UBE2K: variants seen among roughly 807,000 people sequenced by gnomAD.
The protein encoded by UBE2K is ubiquitin-conjugating enzyme E2 K.
Under a neutral mutation model 30.0 loss-of-function variants are expected in UBE2K, and 6 were observed. The observed-to-expected ratio is 0.20, with a 90% CI of 0.11 to 0.39. UBE2K has a LOEUF of 0.39. UBE2K is among the 10% of genes least tolerant of loss of function. UBE2K has a pLI of 1.00. For missense variants in UBE2K, 61 were observed against 241.6 expected, an observed-to-expected ratio of 0.25 and a Z score of 4.96; for synonymous variants, 86 against 83.7, an observed-to-expected ratio of 1.03 and a Z score of -0.15.
intron 1 of UBE2K, among the ~76,000 whole-genome samples, chr4:39,734,370 C>G (rs922522805): frequency 6.6e-6 from 1 of 152,128 alleles, no homozygotes; most frequent in Non-Finnish European, 1.5e-5. Flanking sequence ...CCACCGCATG[C>G]ACCTGACCAG....
chr4:39,720,381 T>C (rs546444399), intron 1 of UBE2K, among the ~76,000 whole-genome samples: 1 of 152,214 alleles, frequency 6.6e-6, no homozygotes, highest in South Asian at 2.1e-4. Flanking sequence ...ATTTAGTATA[T>C]ATGACATCAT....
chr4:39,774,292 C>G (rs1713141291), intron 4 of UBE2K, among the ~76,000 whole-genome samples: 1 of 150,698 alleles, frequency 6.6e-6, no homozygotes, highest in African/African-American at 2.4e-5. Context: ...AGCGGCAGAG[C>G]AAGACACTGT....
At chr4:39,762,146 T>G (rs1321861422) in intron 4 of UBE2K, among the ~76,000 whole-genome samples, 1 of 151,634 alleles carries the variant, frequency 6.6e-6, no homozygotes, top group Non-Finnish European at 1.5e-5. Context: ...CTCACTGCAC[T>G]GCAGCCTGGG....
intron 1 of UBE2K, among the ~76,000 whole-genome samples, chr4:39,701,565 T>G (rs570994954): frequency 1.3e-5 from 2 of 152,282 alleles, no homozygotes; most frequent in East Asian, 3.9e-4. Flanking sequence ...GATCTAGGTC[T>G]GCTTGTGTTC....
At chr4:39,711,167 T>C (rs1447308503) in intron 1 of UBE2K, among the ~76,000 whole-genome samples, 1 of 148,690 alleles carries the variant, frequency 6.7e-6, no homozygotes, top group Non-Finnish European at 1.5e-5. Context: ...TTTTCTCTTT[T>C]TTTTTTTTTT....
At chr4:39,709,327 G>A (rs1375316157) in intron 1 of UBE2K, among the ~76,000 whole-genome samples, 1 of 152,040 alleles carries the variant, frequency 6.6e-6, no homozygotes, top group Non-Finnish European at 1.5e-5. Context: ...AGCTCAAGAT[G>A]AGGGTTAAGG....
chr4:39,757,796 T>G (rs1711590994), intron 4 of UBE2K, among the ~76,000 whole-genome samples: 1 of 152,238 alleles, frequency 6.6e-6, no homozygotes, highest in Non-Finnish European at 1.5e-5. Context: ...TTCACTTGGC[T>G]TCTAGGACAT....
intron 4 of UBE2K, among the ~76,000 whole-genome samples, chr4:39,763,862 T>C (rs1712136113): frequency 1.3e-5 from 2 of 151,982 alleles, no homozygotes; most frequent in Admixed American, 1.3e-4. Flanking sequence ...ACCTCAGCCT[T>C]CTGAGTAACT....
intron 2 of UBE2K, among the ~76,000 whole-genome samples, chr4:39,740,794 C>T (rs1446116785): frequency 2.9e-5 from 4 of 138,172 alleles, no homozygotes; most frequent in East Asian, 2.2e-4. Context: ...ACCCGGGAGG[C>T]GGAGCTTGCA....
chr4:39,768,218 C>T (rs185780819), intron 4 of UBE2K, among the ~76,000 whole-genome samples: 123 of 150,146 alleles, frequency 8.2e-4, no homozygotes, highest in Middle Eastern at 3.4e-3. Context: ...GTGGACGGTT[C>T]ACCTGAGGTC....
intron 1 of UBE2K, among the ~76,000 whole-genome samples, chr4:39,719,179 C>T (rs1451047614): frequency 6.6e-6 from 1 of 152,248 alleles, no homozygotes; most frequent in Non-Finnish European, 1.5e-5. Flanking sequence ...TACAAAATTG[C>T]TTGCTATTTA....
rs1388882930 is a variant in UBE2K at position 39,782,468 on chromosome 4, T to G, written c.*4034T>G. The G allele has an allele frequency of 2.6e-5, 4 of 152,238 alleles. No individual in the cohort carries two copies. The highest frequency in any genetic ancestry group is 5.9e-5 in the Non-Finnish European group (4 of 68,070). The allele number at this position is 152,238 out of a possible 1,614,324, so 9.4% of individuals were successfully genotyped here. On this transcript the variant is annotated 3_prime_UTR_variant, in exon 7 of 7. Coordinates refer to ENST00000261427, the MANE Select transcript of UBE2K (RefSeq NM_005339.5). ...GTTGTGGTGTCTGCTGGAAGTCTAC[T>G]GCCATTATAGGGAACCTTGCTTGTT...
chr4:39,742,635 A>G, intron 2 of UBE2K, among the ~76,000 whole-genome samples: 1 of 152,156 alleles, frequency 6.6e-6, no homozygotes, highest in East Asian at 1.9e-4. Flanking sequence ...CCAGCTACCC[A>G]GGAGGCTGAG....
intron 1 of UBE2K, 87 bp downstream of exon 1, chr4:39,698,477 C>T (rs1014932200): frequency 3.1e-6 from 4 of 1,284,704 alleles, no homozygotes; most frequent in Non-Finnish European, 3.3e-6. Context: ...CCGGTAGTCC[C>T]TGGGTGGTCC....
At chr4:39,744,428 T>C (rs1022841610) in intron 2 of UBE2K, among the ~76,000 whole-genome samples, 2 of 151,178 alleles carry the variant, frequency 1.3e-5, no homozygotes, top group Non-Finnish European at 2.9e-5. Context: ...TGCCTCAGCC[T>C]CCCAAAGTGC....
intron 1 of UBE2K, among the ~76,000 whole-genome samples, chr4:39,701,007 T>C (rs1717979107): frequency 6.6e-6 from 1 of 152,254 alleles, no homozygotes; most frequent in Non-Finnish European, 1.5e-5. Flanking sequence ...AATTGATTGC[T>C]TTCTGTGTAG....
intron 4 of UBE2K, among the ~76,000 whole-genome samples, chr4:39,773,720 GACCATCCTGGCTAAC>G (rs1479491964): frequency 5.3e-5 from 8 of 151,968 alleles, no homozygotes; most frequent in African/African-American, 1.9e-4. Flanking sequence ...AGGAGATCGA[GACCATCCTGGCTAAC>G]ACAGTGAAAC....
At chr4:39,731,070 C>T (rs1311414267) in intron 1 of UBE2K, among the ~76,000 whole-genome samples, 2 of 152,182 alleles carry the variant, frequency 1.3e-5, no homozygotes, top group Admixed American at 1.3e-4. Context: ...ACTGCAACCT[C>T]TGCCTCCCGG....
At chr4:39,714,012 T>G (rs1326884288) in intron 1 of UBE2K, 2 of 152,120 alleles carry the variant, frequency 1.3e-5, no homozygotes, top group African/African-American at 4.8e-5. Flanking sequence ...ACCTCATCCT[T>G]CCAAGTAGCT....
Sources: gnomAD v4.1 joint callset for allele counts (sites outside exome capture counted in the v4.1 genomes callset) on GRCh38, gnomAD v4.1.1 for gene constraint, MANE v1.5 for transcripts, NCBI Gene and HGNC (gene_info 2026-07-23, HGNC 2026-07-21) for gene names.